The following BRWD3 variants were observed in gnomAD, a reference collection of about 807,000 sequenced individuals.
BRWD3 encodes the protein bromodomain and WD repeat-containing protein 3.
BRWD3 carries 10 observed loss-of-function variants against 149.7 expected under a neutral mutation model. The observed-to-expected ratio is 0.07, with a 90% CI of 0.04 to 0.11. The LOEUF (loss-of-function observed/expected upper bound fraction) is 0.11. BRWD3 is among the 10% of genes least tolerant of loss of function. The probability of loss-of-function intolerance (pLI) is 1.00; values close to 1 mark genes in which losing one functional copy is unlikely to be tolerated. For missense variants in BRWD3, 940 were observed against 1,373.2 expected, an observed-to-expected ratio of 0.68 and a Z score of 4.99; for synonymous variants, 504 against 456.7, an observed-to-expected ratio of 1.10 and a Z score of -1.32.
At position 80,744,212 on chromosome X, in the gene BRWD3, A is replaced by G. The variant is rs1268968302; in HGVS notation, c.633T>C (p.Asp211=). The G allele has an allele frequency of 8.3e-7, 1 of 1,211,631 alleles. No individual in the cohort carries two copies. The highest frequency in any genetic ancestry group is 3.0e-5 in the East Asian group (1 of 33,858). ...CACGAAGTGTAGCAAGAAGGCGTCCATCATCTGTAGCCCAAATTTTTACTA... is the reference window on the plus strand; with the variant it reads ...CACGAAGTGTAGCAAGAAGGCGTCCGTCATCTGTAGCCCAAATTTTTACTA... ...DCLVKIWATD[D]GRLLATLRGH... Residue 211 remains aspartate, a synonymous_variant, in exon 8 of 41, where the codon GAT becomes GAC. Transcript: ENST00000373275.
intron 6 of BRWD3, among the ~76,000 whole-genome samples, chrX:80,780,790 A>G (rs2074048594): frequency 8.9e-6 from 1 of 112,383 alleles, no homozygotes; most frequent in South Asian, 3.6e-4. Flanking sequence ...AGTATGATAC[A>G]TAGGCAAGAT....
intron 31 of BRWD3, 24 bp downstream of exon 31, chrX:80,691,029 A>G (rs1454777497): frequency 2.5e-6 from 3 of 1,201,452 alleles, no homozygotes; most frequent in African/African-American, 1.7e-5. Flanking sequence ...AAATTTTATA[A>G]TAAGTGATTA....
At chrX:80,754,902 G>A (rs1176605167) in intron 6 of BRWD3, among the ~76,000 whole-genome samples, 1 of 111,373 alleles carries the variant, frequency 9.0e-6, no homozygotes, top group African/African-American at 3.3e-5. Flanking sequence ...CAGCTACTCA[G>A]GAGGCTGAGG....
chrX:80,741,907 T>G (rs918994356), intron 8 of BRWD3, among the ~76,000 whole-genome samples: 2 of 111,854 alleles, frequency 1.8e-5, no homozygotes, highest in African/African-American at 3.3e-5. Context: ...AGAAGCTCTT[T>G]AGTTTAATTA....
chrX:80,745,791 C>A, intron 6 of BRWD3, 62 bp from the exon 7 acceptor site: 1 of 1,029,148 alleles, frequency 9.7e-7, no homozygotes, highest in South Asian at 2.0e-5. Context: ...GAAATTAAGT[C>A]ATAAATATTA....
In BRWD3 at chrX:80,671,175, G is replaced by C. The variant is rs1358603704; in HGVS notation, c.*5434C>G. 2 of 111,672 alleles carry C rather than the reference G, an allele frequency of 1.8e-5. No homozygotes were observed. The highest frequency in any genetic ancestry group is 3.8e-5 in the Non-Finnish European group (2 of 53,160). 9.2% of individuals were successfully genotyped at this position (111,672 alleles called of 1,213,427 possible). ...AGTTGTAAGTCATAAATATGTTAGA[G>C]ATCTATTCATTTTGAAAAGCTCTGC... is the stretch of plus-strand genomic sequence containing the variant. On this transcript the variant is annotated 3_prime_UTR_variant, in exon 41 of 41. Transcript: ENST00000373275.
In BRWD3 at chrX:80,779,183, C is replaced by T. The variant is rs112910521; in HGVS notation, c.430+12671G>A. 1.3e-4 allele frequency among the ~76,000 whole-genome samples: 14 copies of T among 109,612 alleles called. No individual in the cohort carries two copies. The East Asian group carries it at 2.9e-3, about 23-fold the overall frequency. On this transcript the variant is annotated intron_variant, in intron 6 of 40. Transcript: ENST00000373275. ...ACAAAAAATTAGCTGGGCGTGGTGG[C>T]GCATGCCTGCAATCCCAGCTACTCA...
intron 6 of BRWD3, among the ~76,000 whole-genome samples, chrX:80,776,834 T>A (rs193135448): frequency 9.0e-6 from 1 of 111,395 alleles, no homozygotes; most frequent in East Asian, 2.8e-4. Flanking sequence ...TAATTCCCAC[T>A]TGTTCCAATT....
intron 16 of BRWD3, 122 bp downstream of exon 16, chrX:80,723,626 A>G (rs1327412153): frequency 6.6e-6 from 5 of 761,616 alleles, no homozygotes; most frequent in Non-Finnish European, 7.6e-6. Flanking sequence ...AAGAAAGACA[A>G]CTTTCTTTTA....
chrX:80,797,976 TC>T (rs914806693), intron 4 of BRWD3, among the ~76,000 whole-genome samples: 1 of 110,209 alleles, frequency 9.1e-6, no homozygotes, highest in African/African-American at 3.3e-5. Flanking sequence ...GCGCCTGTAG[TC>T]CCAGCTCCTC....
intron 6 of BRWD3, among the ~76,000 whole-genome samples, chrX:80,790,925 T>C (rs187526376): frequency 3.6e-4 from 40 of 111,816 alleles, no homozygotes; most frequent in Admixed American, 6.7e-4. Context: ...AGCAATACCA[T>C]GTTCAATGAG....
At chrX:80,719,015 G>C (rs1398841750) in intron 18 of BRWD3, among the ~76,000 whole-genome samples, 4 of 110,361 alleles carry the variant, frequency 3.6e-5, no homozygotes, top group Admixed American at 1.9e-4. Flanking sequence ...AGTTAATTCA[G>C]AAGCTGTATC....
In BRWD3 at chrX:80,809,823, GGAGA is replaced by G. The variant is rs771835323; in HGVS notation, c.-356_-353del. The G allele has an allele frequency of 2.5e-4, 25 of 100,328 alleles. No homozygotes were observed. The highest frequency in any genetic ancestry group is 2.2e-3 in the South Asian group (5 of 2,226). The allele number at this position is 100,328 out of a possible 1,213,427, so 8.3% of individuals were successfully genotyped here. A position where few individuals can be genotyped will look rare whatever the true frequency, so the allele number is the denominator to read the frequency against. On this transcript the variant is annotated 5_prime_UTR_variant, in exon 1 of 41. Coordinates refer to ENST00000373275, the MANE Select transcript of BRWD3 (RefSeq NM_153252.5). ...AGAGAGACGCGGGGGGTGGGGGGGC[GGAGA>G]GAGAGAGAGAGAGAGAGATAGACGG...
intron 25 of BRWD3, among the ~76,000 whole-genome samples, chrX:80,699,479 C>A (rs2072749565): frequency 9.0e-6 from 1 of 111,345 alleles, no homozygotes. Flanking sequence ...TTGACAAAAT[C>A]ATTCTCCATA....
intron 27 of BRWD3, among the ~76,000 whole-genome samples, chrX:80,693,932 A>T (rs2072645737): frequency 8.9e-6 from 1 of 112,015 alleles, no homozygotes; most frequent in South Asian, 3.7e-4. Context: ...AATTTGCATA[A>T]GTAACTAGGA....
chrX:80,792,939 G>A (rs901754276), intron 5 of BRWD3, among the ~76,000 whole-genome samples: 3 of 109,025 alleles, frequency 2.8e-5, no homozygotes, highest in Admixed American at 1.0e-4. Context: ...TGAGGCAGGC[G>A]GATCACGAGG....
At position 80,690,029 on chromosome X, in the gene BRWD3, C is replaced by T; in HGVS notation, c.3666G>A (p.Glu1222=). 1 of 1,206,566 alleles carries T rather than the reference C, an allele frequency of 8.3e-7. No individual in the cohort carries two copies. Among genetic ancestry groups the T allele is most frequent in the Non-Finnish European group, 1.1e-6 (1 of 891,171 alleles). The change falls in exon 32 of 41, where the codon GAG becomes GAA. Residue 1222 remains glutamate (E), a synonymous_variant. Transcript: ENST00000373275. ...YIEHNARTFN[E]PDSPIVKAAK... ...CTGCTTTAACTATAGGACTGTCTGG[C>T]TCATTGAAAGTCCTGGCATTATGTT...
At chrX:80,687,027 T>A (rs748186131) in intron 34 of BRWD3, 24 bp from the exon 35 acceptor site, 1 of 1,199,556 alleles carries the variant, frequency 8.3e-7, no homozygotes, top group Non-Finnish European at 1.1e-6. Context: ...TAGAGTTATA[T>A]CTAAAAGATC....
At chrX:80,698,839 A>G (rs1053891987) in intron 25 of BRWD3, among the ~76,000 whole-genome samples, 6 of 111,581 alleles carry the variant, frequency 5.4e-5, no homozygotes, top group South Asian at 7.5e-4. Context: ...TGTAAAGCTC[A>G]CTTGATAAGC....
Sources: gnomAD v4.1 joint callset for allele counts (sites outside exome capture counted in the v4.1 genomes callset) on GRCh38, gnomAD v4.1.1 for gene constraint, MANE v1.5 for transcripts, NCBI Gene and HGNC (gene_info 2026-07-23, HGNC 2026-07-21) for gene names.